Variants in KATNBL1 observed in about 807,000 individuals in gnomAD.
KATNBL1 encodes KATNB1-like protein 1.
In KATNBL1, 28 loss-of-function variants were observed where a neutral mutation model predicts 44.7. The observed-to-expected ratio is 0.63, with a 90% CI of 0.46 to 0.86. The LOEUF (loss-of-function observed/expected upper bound fraction) is 0.86. KATNBL1 is among the 40% of genes least tolerant of loss of function. The pLI is 0.00. For missense variants in KATNBL1, 272 were observed against 350.7 expected (o/e 0.78, Z 1.79); for synonymous variants, 78 against 114.9 (o/e 0.68, Z 2.06).
chr15:34,144,921 A>G (rs567872911), intron 9 of KATNBL1: 30 of 299,782 alleles, frequency 1.0e-4, no homozygotes, highest in South Asian at 6.5e-4. Context: ...AGCAATTTTT[A>G]CTTTTTCCTT....
chr15:34,193,227 A>AAAC (rs1567536839), intron 1 of KATNBL1, among the ~76,000 whole-genome samples: 25 of 136,694 alleles, frequency 1.8e-4, no homozygotes, highest in Admixed American at 1.7e-3. Context: ...AAAAAAAAAA[A>AAAC]AAAAAAAACA....
rs1452038469 is a variant in KATNBL1, at chr15:34,154,503, A to C, written c.158+141T>G. On this transcript the variant is annotated intron_variant, in intron 3 of 9. Transcript: ENST00000256544. ...CAGAGACAATATTGATGTGTTTATT[A>C]GTGCAGATACTGGCATAAAGAAGCT... 3.1e-5 allele frequency: 21 copies of C among 673,786 alleles called. 2 individuals carry two copies. Among genetic ancestry groups the C allele is most frequent in the South Asian group, 2.8e-4 (17 of 61,560 alleles). The allele number at this position is 673,786 out of a possible 1,614,324, so 41.7% of individuals were successfully genotyped here. A position where few individuals can be genotyped will look rare whatever the true frequency, so the allele number is the denominator to read the frequency against.
chr15:34,158,723 T>C lies in KATNBL1; in HGVS notation c.118-4039A>G, dbSNP rs536945144. Among the ~76,000 whole-genome samples, 6 of 152,346 alleles carry C rather than the reference T, an allele frequency of 3.9e-5. No homozygotes were observed. The East Asian group carries it at 1.2e-3, about 29-fold the overall frequency. On this transcript the variant is annotated intron_variant, in intron 2 of 9. Coordinates refer to ENST00000256544, the MANE Select transcript of KATNBL1 (RefSeq NM_024713.3). ...CAGATGCTTTAAAGGCTTGATTTAATGCAAACAATTTACATGTTTGGGCAG... is the reference window on the plus strand; with the variant it reads ...CAGATGCTTTAAAGGCTTGATTTAACGCAAACAATTTACATGTTTGGGCAG...
rs189498241 is a variant in KATNBL1, at chr15:34,168,010, C to T, written c.-14-4320G>A. Reference sequence around the variant, plus strand: ...TGCCAAATTGTAAAGACCATCGATGCTATGAAGAAACTGCATCAATTAACA... The same window carrying T: ...TGCCAAATTGTAAAGACCATCGATGTTATGAAGAAACTGCATCAATTAACA... On this transcript the variant is annotated intron_variant, in intron 1 of 9. Coordinates refer to ENST00000256544, the MANE Select transcript of KATNBL1 (RefSeq NM_024713.3). Among the ~76,000 whole-genome samples the T allele has an allele frequency of 9.7e-4, 148 of 152,270 alleles. 1 individual carries two copies. Among genetic ancestry groups the T allele is most frequent in the African/African-American group, 3.5e-3 (145 of 41,564 alleles).
chr15:34,206,765 TG>T (rs1180677781), intron 1 of KATNBL1, among the ~76,000 whole-genome samples: 4 of 150,294 alleles, frequency 2.7e-5, no homozygotes, highest in Non-Finnish European at 5.9e-5. Flanking sequence ...TACTCCAGCC[TG>T]GGAGACAAGA....
intron 1 of KATNBL1, among the ~76,000 whole-genome samples, chr15:34,194,588 C>T (rs536482458): frequency 1.3e-5 from 2 of 152,322 alleles, no homozygotes; most frequent in African/African-American, 4.8e-5. Flanking sequence ...TGTGCCACTG[C>T]ACTCCAGCCT....
chr15:34,192,703 A>C (rs1008762500), intron 1 of KATNBL1, among the ~76,000 whole-genome samples: 3 of 152,214 alleles, frequency 2.0e-5, no homozygotes, highest in African/African-American at 7.2e-5. Context: ...TTCCCACTCC[A>C]TACTCCTGGA....
At chr15:34,202,809 G>A (rs1024557226) in intron 1 of KATNBL1, among the ~76,000 whole-genome samples, 2 of 152,048 alleles carry the variant, frequency 1.3e-5, no homozygotes, top group Non-Finnish European at 2.9e-5. Context: ...TGGCTAATAC[G>A]GTGAAAACCC....
chr15:34,150,704 C>T (rs762385960), intron 4 of KATNBL1, among the ~76,000 whole-genome samples: 1 of 152,212 alleles, frequency 6.6e-6, no homozygotes, highest in African/African-American at 2.4e-5. Context: ...TATTTCATCA[C>T]ACAGGTAATA....
chr15:34,173,024 A>C (rs1889219236), intron 1 of KATNBL1, among the ~76,000 whole-genome samples: 1 of 152,180 alleles, frequency 6.6e-6, no homozygotes, highest in Non-Finnish European at 1.5e-5. Flanking sequence ...AATACTCTTA[A>C]AAATTAAAAA....
chr15:34,180,074 C>T (rs546986728), intron 1 of KATNBL1, among the ~76,000 whole-genome samples: 2 of 152,218 alleles, frequency 1.3e-5, no homozygotes, highest in East Asian at 3.9e-4. Context: ...TCCCACAAAC[C>T]CTTTTTAAAA....
intron 1 of KATNBL1, among the ~76,000 whole-genome samples, chr15:34,192,189 G>A (rs996579007): frequency 1.0e-5 from 1 of 97,252 alleles, no homozygotes. Context: ...TGGATCACCA[G>A]GTCAGGAGAT....
chr15:34,160,486 T>C (rs1464726978), intron 2 of KATNBL1, among the ~76,000 whole-genome samples: 1 of 152,216 alleles, frequency 6.6e-6, no homozygotes, highest in Non-Finnish European at 1.5e-5. Flanking sequence ...GGTCTTCTAA[T>C]TCTAGACCTG....
At chr15:34,175,148 ACACACACACG>A (rs957518389) in intron 1 of KATNBL1, among the ~76,000 whole-genome samples, 3 of 151,058 alleles carry the variant, frequency 2.0e-5, no homozygotes, top group Non-Finnish European at 1.5e-5. Context: ...ACACACACAC[ACACACACACG>A]CATATATAAT....
intron 2 of KATNBL1, among the ~76,000 whole-genome samples, chr15:34,157,547 T>C (rs1221825174): frequency 6.6e-6 from 1 of 152,208 alleles, no homozygotes; most frequent in Admixed American, 6.5e-5. Context: ...CTTAAGTATA[T>C]AATTTCTGAG....
intron 4 of KATNBL1, among the ~76,000 whole-genome samples, chr15:34,151,895 T>C (rs1418608020): frequency 6.6e-6 from 1 of 152,020 alleles, no homozygotes; most frequent in Non-Finnish European, 1.5e-5. Context: ...CCAGGCAATA[T>C]TGAGAGCCCG....
At chr15:34,165,448 A>G (rs1888936422) in intron 1 of KATNBL1, among the ~76,000 whole-genome samples, 1 of 152,246 alleles carries the variant, frequency 6.6e-6, no homozygotes, top group Non-Finnish European at 1.5e-5. Flanking sequence ...CCATGAGGAC[A>G]AAGACAGGAG....
intron 1 of KATNBL1, among the ~76,000 whole-genome samples, chr15:34,171,714 A>G (rs1479091523): frequency 6.6e-6 from 1 of 152,250 alleles, no homozygotes; most frequent in Non-Finnish European, 1.5e-5. Flanking sequence ...AAACTGGATT[A>G]AGAAAATGTG....
At chr15:34,201,141 T>G (rs1288971152) in intron 1 of KATNBL1, among the ~76,000 whole-genome samples, 4 of 152,190 alleles carry the variant, frequency 2.6e-5, no homozygotes, top group Non-Finnish European at 2.9e-5. Flanking sequence ...TCAAGTCCAC[T>G]TAGATTACTA....
Sources: allele counts gnomAD v4.1 joint callset (sites outside exome capture counted in the v4.1 genomes callset), GRCh38; gene constraint gnomAD v4.1.1; transcripts MANE v1.5; gene names NCBI Gene and HGNC (gene_info 2026-07-23, HGNC 2026-07-21).